DENND11: variants seen among roughly 807,000 people sequenced by gnomAD.
DENND11 encodes the protein DENN domain-containing protein 11.
Under a neutral mutation model 49.2 loss-of-function variants are expected in DENND11, and 34 were observed. That is an observed-to-expected ratio of 0.69 (90% CI 0.53 to 0.92). The LOEUF (loss-of-function observed/expected upper bound fraction) is 0.92. DENND11 is among the 40% of genes least tolerant of loss of function. DENND11 has a pLI of 0.00. For synonymous variants in DENND11, 238 were observed against 230.3 expected, an observed-to-expected ratio of 1.03 and a Z score of -0.30; for missense variants, 475 against 581.6, an observed-to-expected ratio of 0.82 and a Z score of 1.88.
At chr7:141,687,019 C>T (rs1468966360) in intron 1 of DENND11, among the ~76,000 whole-genome samples, 2 of 152,118 alleles carry the variant, frequency 1.3e-5, no homozygotes, top group Non-Finnish European at 2.9e-5. Context: ...TGTGTTCTCC[C>T]CTTAATCCCT....
At position 141,660,793 on chromosome 7, in the gene DENND11, T is replaced by C. The variant is rs757295915; in HGVS notation, c.*1863A>G. 5.2e-5 allele frequency: 8 copies of C among 152,498 alleles called. No homozygotes were observed. The highest frequency in any genetic ancestry group is 7.4e-5 in the Non-Finnish European group (5 of 68,026). The allele number at this position is 152,498 out of a possible 1,614,324, so 9.4% of individuals were successfully genotyped here. A position where few individuals can be genotyped will look rare whatever the true frequency, so the allele number is the denominator to read the frequency against. ...ACCCTTGAGAGGCAAGAAGAGAGGG[T>C]TGCATGTAAAGGAGAATAAAAGGTG... On this transcript the variant is annotated 3_prime_UTR_variant, in exon 9 of 9. Transcript: ENST00000536163.
chr7:141,672,513 GT>G (rs1240383581), intron 4 of DENND11, among the ~76,000 whole-genome samples: 10 of 152,214 alleles, frequency 6.6e-5, no homozygotes, highest in African/African-American at 2.2e-4. Context: ...GAGGCCTTCA[GT>G]TCAAAACATC....
intron 1 of DENND11, among the ~76,000 whole-genome samples, chr7:141,696,481 G>T (rs1798415724): frequency 6.6e-6 from 1 of 152,138 alleles, no homozygotes; most frequent in Admixed American, 6.5e-5. Context: ...TCCTCTGTTA[G>T]ATGGTTCCCA....
Position 141,659,055 on chromosome 7 carries a change from A to G in DENND11, c.*3601T>C, listed in dbSNP as rs1028762211. On this transcript the variant is annotated 3_prime_UTR_variant, in exon 9 of 9. Transcript: ENST00000536163. ...ACATGTGGCATCTGGAAGCATGTGC[A>G]CCTGTGTGCTATCTTAACTTTCTTG... The G allele has an allele frequency of 1.3e-5, 2 of 152,366 alleles. No homozygotes were observed. Among genetic ancestry groups the G allele is most frequent in the African/African-American group, 4.8e-5 (2 of 41,448 alleles). 9.4% of individuals were successfully genotyped at this position (152,366 alleles called of 1,614,324 possible).
intron 1 of DENND11, among the ~76,000 whole-genome samples, chr7:141,694,832 T>G (rs1002583333): frequency 1.3e-5 from 2 of 152,198 alleles, no homozygotes; most frequent in Non-Finnish European, 1.5e-5. Flanking sequence ...CACACCCACC[T>G]TAAGCTTCTC....
At chr7:141,671,471 C>T (rs1202614741) in intron 4 of DENND11, among the ~76,000 whole-genome samples, 1 of 152,242 alleles carries the variant, frequency 6.6e-6, no homozygotes, top group Non-Finnish European at 1.5e-5. Context: ...GCCACCATGC[C>T]TGGCCGTTTT....
At chr7:141,701,074 C>T (rs1290813610) in intron 1 of DENND11, among the ~76,000 whole-genome samples, 1 of 152,020 alleles carries the variant, frequency 6.6e-6, no homozygotes, top group Admixed American at 6.5e-5. Context: ...TTCCTGGGCG[C>T]GCAGGGTCGT....
chr7:141,674,287 C>T, intron 3 of DENND11, 67 bp from the exon 4 acceptor site: 1 of 1,459,200 alleles, frequency 6.9e-7, no homozygotes, highest in Non-Finnish European at 9.0e-7. Context: ...CACAGCTCTG[C>T]TACCACTCCT....
chr7:141,687,952 T>C (rs1798270837), intron 1 of DENND11, among the ~76,000 whole-genome samples: 1 of 152,112 alleles, frequency 6.6e-6, no homozygotes, highest in Admixed American at 6.5e-5. Flanking sequence ...CTATTTTTTT[T>C]GTATTTTTAG....
intron 5 of DENND11, 87 bp from the exon 6 acceptor site, chr7:141,665,405 C>T: frequency 6.5e-7 from 1 of 1,543,358 alleles, no homozygotes; most frequent in South Asian, 1.2e-5. Flanking sequence ...ACCTCTGCTC[C>T]AGGCTATCTG....
At chr7:141,685,028 AAATAT>A (rs1318162942) in intron 3 of DENND11, among the ~76,000 whole-genome samples, 21 of 100,886 alleles carry the variant, frequency 2.1e-4, no homozygotes, top group African/African-American at 6.7e-4. Context: ...AAAAAAAAAA[AAATAT>A]ATATATATAT....
At position 141,665,409 on chromosome 7, in the gene DENND11, C is replaced by A. The variant is rs557950271; in HGVS notation, c.821-91G>T. 1,359 of 1,511,332 alleles carry A rather than the reference C, an allele frequency of 9.0e-4. 1 individual carries two copies. The highest frequency in any genetic ancestry group is 1.2e-3 in the Non-Finnish European group (1,304 of 1,113,322). The allele number at this position is 1,511,332 out of a possible 1,614,324, so 93.6% of individuals were successfully genotyped here. The stretch of plus-strand genomic sequence containing the variant: ...TGCGGCTCAACACCTCTGCTCCAGG[C>A]TATCTGGTGCTTCAGGATCCAGGTG... On this transcript the variant is annotated intron_variant, in intron 5 of 8. Transcript: ENST00000536163.
In DENND11 at chr7:141,702,003, C is replaced by T. The variant is rs1680730944; in HGVS notation, c.151G>A (p.Glu51Lys). The change falls in exon 1 of 9, where the codon GAG (glutamate) becomes AAG (lysine). Residue 51 changes from glutamate to lysine, a missense_variant. Physicochemically the swap from Glu to Lys is moderately conservative, Grantham distance 56 (BLOSUM62 1). Transcript: ENST00000536163. Reference protein sequence around the residue: ...RPAAEPPRRREPEEPAAPEVL... With the variant: ...RPAAEPPRRRKPEEPAAPEVL... ...TCCGGGGCGGCCGGCTCCTCGGGCT[C>T]CCGCCTCCGGGGCGGCTCCGCGGCC... The T allele has an allele frequency of 8.9e-7, 1 of 1,128,358 alleles. No individual in the cohort carries two copies. Among genetic ancestry groups the T allele is most frequent in the Admixed American group, 5.0e-5 (1 of 19,996 alleles). The allele number at this position is 1,128,358 out of a possible 1,614,324, so 69.9% of individuals were successfully genotyped here.
At chr7:141,667,711 T>C (rs13247752) in intron 4 of DENND11, among the ~76,000 whole-genome samples, 17,180 of 152,130 alleles carry the variant, frequency 0.11, 1,370 homozygotes, top group East Asian at 0.35. Flanking sequence ...GAGGCACCTA[T>C]ACCCGAGCCT....
At position 141,685,611 on chromosome 7, in the gene DENND11, C is replaced by T. The variant is rs751953719; in HGVS notation, c.394G>A (p.Gly132Ser). 7 of 1,613,856 alleles carry T rather than the reference C, an allele frequency of 4.3e-6. No individual in the cohort carries two copies. The highest frequency in any genetic ancestry group is 2.2e-5 in the East Asian group (1 of 44,886). Reference protein sequence around the residue: ...FIYFRKGPFFGLACFANMPVE... With the variant: ...FIYFRKGPFFSLACFANMPVE... ...GGCATGTTGGCAAAGCAGGCCAGGC[C>T]GAAGAAGGGCCCCTTTCGGAAATAG... Residue 132 changes from glycine to serine, a missense_variant, in exon 3 of 9, where the codon GGC becomes AGC. Gly to Ser is a moderately conservative substitution (Grantham distance 56). Coordinates refer to ENST00000536163, the MANE Select transcript of DENND11 (RefSeq NM_001080392.2).
chr7:141,697,190 A>G (rs1798427027), intron 1 of DENND11, among the ~76,000 whole-genome samples: 1 of 152,068 alleles, frequency 6.6e-6, no homozygotes, highest in Non-Finnish European at 1.5e-5. Flanking sequence ...TGTTGGGAGG[A>G]TCAGAGGCAG....
intron 1 of DENND11, among the ~76,000 whole-genome samples, chr7:141,697,498 C>T (rs565159425): frequency 1.3e-5 from 2 of 152,312 alleles, no homozygotes; most frequent in African/African-American, 2.4e-5. Flanking sequence ...TCCTGCGAGA[C>T]GTTCTGGCCG....
intron 3 of DENND11, among the ~76,000 whole-genome samples, chr7:141,680,827 G>GA (rs1264382432): frequency 1.3e-5 from 2 of 152,070 alleles, no homozygotes; most frequent in Non-Finnish European, 2.9e-5. Flanking sequence ...TCAGGTCCAA[G>GA]AATGACCAGT....
intron 2 of DENND11, among the ~76,000 whole-genome samples, chr7:141,686,268 T>G (rs528969836): frequency 1.3e-5 from 2 of 152,336 alleles, no homozygotes; most frequent in East Asian, 3.9e-4. Context: ...GCTGAAACTG[T>G]GCACTTTCAT....
Sources: gnomAD v4.1 joint callset for allele counts (sites outside exome capture counted in the v4.1 genomes callset) on GRCh38, gnomAD v4.1.1 for gene constraint, MANE v1.5 for transcripts, NCBI Gene and HGNC (gene_info 2026-07-23, HGNC 2026-07-21) for gene names.